ITGBL1: variants seen among roughly 807,000 people sequenced by gnomAD.
The protein encoded by ITGBL1 is integrin beta-like protein 1.
A neutral mutation model predicts 68.5 loss-of-function variants in ITGBL1; 51 were observed. That is an observed-to-expected ratio of 0.74 (90% CI 0.59 to 0.94). The LOEUF (loss-of-function observed/expected upper bound fraction) is 0.94, where lower values mean the gene tolerates loss of function less well. ITGBL1 is among the 40% of genes least tolerant of loss of function. ITGBL1 has a pLI of 0.00. For missense variants in ITGBL1, 649 were observed against 647.4 expected (o/e 1.00, Z -0.03); for synonymous variants, 209 against 227.3 (o/e 0.92, Z 0.72).
chr13:101,710,777 G>A (rs994620540), intron 9 of ITGBL1: 1 of 152,198 alleles, frequency 6.6e-6, no homozygotes, highest in Admixed American at 6.5e-5. Flanking sequence ...CTTCCCATGA[G>A]CTGTGAATAA....
intron 2 of ITGBL1, among the ~76,000 whole-genome samples, chr13:101,542,547 A>G (rs1013763139): frequency 3.9e-5 from 6 of 152,194 alleles, no homozygotes; most frequent in African/African-American, 1.4e-4. Flanking sequence ...TTTGGGGTGG[A>G]GAGTTCTGTA....
chr13:101,627,637 C>T (rs1248963411), intron 7 of ITGBL1, among the ~76,000 whole-genome samples: 33 of 152,154 alleles, frequency 2.2e-4, no homozygotes, highest in Admixed American at 2.2e-3. Context: ...TCCCTACAAC[C>T]CCTGGCAAGC....
intron 7 of ITGBL1, among the ~76,000 whole-genome samples, chr13:101,658,909 A>G (rs944807968): frequency 9.7e-5 from 14 of 144,314 alleles, no homozygotes; most frequent in Non-Finnish European, 2.2e-4. Flanking sequence ...AAAAATATAC[A>G]TATATCAAAC....
chr13:101,684,156 G>A (rs1031237740), intron 7 of ITGBL1, among the ~76,000 whole-genome samples: 6 of 151,828 alleles, frequency 4.0e-5, no homozygotes, highest in South Asian at 2.1e-4. Flanking sequence ...GTGTCACCTT[G>A]TCCTAATCCA....
At chr13:101,595,486 T>C (rs2029905677) in intron 6 of ITGBL1, among the ~76,000 whole-genome samples, 1 of 149,202 alleles carries the variant, frequency 6.7e-6, no homozygotes. Flanking sequence ...TATATCTAAC[T>C]CATACAACTC....
intron 2 of ITGBL1, among the ~76,000 whole-genome samples, chr13:101,472,178 A>C (rs2048471044): frequency 6.6e-6 from 1 of 152,178 alleles, no homozygotes; most frequent in Non-Finnish European, 1.5e-5. Flanking sequence ...TTAATTTCCT[A>C]AATATAGACT....
intron 6 of ITGBL1, among the ~76,000 whole-genome samples, chr13:101,588,848 CT>C (rs2050603929): frequency 6.6e-6 from 1 of 152,222 alleles, no homozygotes; most frequent in African/African-American, 2.4e-5. Context: ...TTTGGCATAA[CT>C]TTTAAAATTG....
chr13:101,535,039 A>T (rs1280950963), intron 2 of ITGBL1, among the ~76,000 whole-genome samples: 1 of 152,112 alleles, frequency 6.6e-6, no homozygotes, highest in East Asian at 1.9e-4. Context: ...TTGTCTTCAC[A>T]GTATCTTCGT....
At chr13:101,693,100 G>A (rs1386722109) in intron 8 of ITGBL1, among the ~76,000 whole-genome samples, 1 of 152,036 alleles carries the variant, frequency 6.6e-6, no homozygotes, top group Non-Finnish European at 1.5e-5. Flanking sequence ...AATCACAAGA[G>A]GTATACGCTC....
intron 2 of ITGBL1, among the ~76,000 whole-genome samples, chr13:101,486,241 A>C (rs910100908): frequency 1.3e-5 from 2 of 152,314 alleles, no homozygotes; most frequent in South Asian, 4.1e-4. Flanking sequence ...TAACTGAGGA[A>C]TCAAAAACCA....
At chr13:101,523,181 C>T (rs921195553) in intron 2 of ITGBL1, among the ~76,000 whole-genome samples, 1 of 152,138 alleles carries the variant, frequency 6.6e-6, no homozygotes, top group Non-Finnish European at 1.5e-5. Context: ...ATATTTGGCC[C>T]TAGCTCCTGG....
In ITGBL1 at chr13:101,598,146, T is replaced by C. The variant is rs1219780644; in HGVS notation, c.869-7T>C. 6.3e-7 allele frequency: 1 copy of C among 1,591,386 alleles called. No homozygotes were observed. The highest frequency in any genetic ancestry group is 8.5e-7 in the Non-Finnish European group (1 of 1,172,942). On this transcript the variant is annotated splice_polypyrimidine_tract_variant and splice_region_variant and intron_variant, in intron 6 of 10. Coordinates refer to ENST00000376180, the MANE Select transcript of ITGBL1 (RefSeq NM_004791.3). ...CATTTTTATTTTTTGCCACTCTCAC[T>C]GTGAAGGTCATGGACAGTGTAATTG...
chr13:101,603,543 A>G (rs1224964545), intron 7 of ITGBL1, among the ~76,000 whole-genome samples: 2 of 151,948 alleles, frequency 1.3e-5, no homozygotes, highest in African/African-American at 4.8e-5. Flanking sequence ...TAAAATTCAT[A>G]TCCCTCAGAC....
chr13:101,507,168 G>A (rs2049039236), intron 2 of ITGBL1, among the ~76,000 whole-genome samples: 1 of 152,158 alleles, frequency 6.6e-6, no homozygotes, highest in African/African-American at 2.4e-5. Context: ...AAATCTTCAG[G>A]AAGATAGTGG....
Position 101,498,658 on chromosome 13 carries a change from A to T in ITGBL1, c.316+44558A>T, listed in dbSNP as rs373374716. 1.8e-3 allele frequency among the ~76,000 whole-genome samples: 270 copies of T among 152,330 alleles called. 1 individual carries two copies. The highest frequency in any genetic ancestry group is 6.3e-3 in the African/African-American group (261 of 41,582). On this transcript the variant is annotated intron_variant, in intron 2 of 10. Coordinates refer to ENST00000376180, the MANE Select transcript of ITGBL1 (RefSeq NM_004791.3). The stretch of plus-strand genomic sequence containing the variant: ...TACAGATGACCTAAATAATTTGTTC[A>T]GTTGTATACTTATATATAGGTGTAT...
At chr13:101,474,842 C>G (rs1388301843) in intron 2 of ITGBL1, among the ~76,000 whole-genome samples, 1 of 152,208 alleles carries the variant, frequency 6.6e-6, no homozygotes, top group African/African-American at 2.4e-5. Context: ...CTTTACAAGT[C>G]TGTAAGAATC....
intron 3 of ITGBL1, among the ~76,000 whole-genome samples, chr13:101,569,122 G>A (rs75707258): frequency 0.015 from 2,038 of 139,316 alleles, 46 homozygotes; most frequent in African/African-American, 0.051. Context: ...ACACACACAC[G>A]CGCACGCGCG....
intron 7 of ITGBL1, among the ~76,000 whole-genome samples, chr13:101,627,008 G>A (rs572966931): frequency 9.2e-5 from 14 of 152,278 alleles, no homozygotes; most frequent in Middle Eastern, 3.4e-3. Flanking sequence ...ATGACTTTGC[G>A]TAGGTCATTT....
At chr13:101,648,353 A>G (rs1328833204) in intron 7 of ITGBL1, among the ~76,000 whole-genome samples, 1 of 152,218 alleles carries the variant, frequency 6.6e-6, no homozygotes, top group Non-Finnish European at 1.5e-5. Context: ...TAGAATCAGT[A>G]AAAGAATGCA....
Sources: allele counts gnomAD v4.1 joint callset (sites outside exome capture counted in the v4.1 genomes callset), GRCh38; gene constraint gnomAD v4.1.1; transcripts MANE v1.5; gene names NCBI Gene and HGNC (gene_info 2026-07-23, HGNC 2026-07-21).